ALS2CL: variants seen among roughly 807,000 people sequenced by gnomAD.
ALS2CL encodes the protein ALS2 C-terminal like, also known as ALS2 C-terminal-like protein.
In ALS2CL, 112 loss-of-function variants were observed where a neutral mutation model predicts 127.9. That is an observed-to-expected ratio of 0.88 (90% CI 0.75 to 1.02). The LOEUF (loss-of-function observed/expected upper bound fraction) is 1.02. Ranked by LOEUF, ALS2CL falls within the 50% of genes least tolerant of loss-of-function variation. The probability of loss-of-function intolerance (pLI) is 0.00; values close to 1 mark genes in which losing one functional copy is unlikely to be tolerated. For missense variants in ALS2CL, 1,174 were observed against 1,236.7 expected (o/e 0.95, Z 0.76); for synonymous variants, 519 against 527.6 (o/e 0.98, Z 0.22).
In ALS2CL at chr3:46,683,164, C is replaced by T. The variant is rs141646102; in HGVS notation, c.1075G>A (p.Glu359Lys). 421 of 1,602,290 alleles carry T rather than the reference C, an allele frequency of 2.6e-4. 5 individuals carry two copies. In the East Asian group the frequency reaches 8.0e-3, roughly 30 times the overall value. The part of the protein sequence containing the change: ...AEGRLCQATY[E>K]GEWCRGRPHG... ...GGCCGGCCCCTGCACCACTCGCCCT[C>T]GTAGGTGGCCTGGCAGAGCCGGCCC... Residue 359 changes from glutamate to lysine, a missense_variant, in exon 10 of 26, where the codon GAG (glutamate) becomes AAG (lysine). By Grantham distance (56) the Glu-to-Lys change is moderately conservative. Coordinates refer to ENST00000318962, the MANE Select transcript of ALS2CL (RefSeq NM_147129.5).
In ALS2CL at chr3:46,681,411, G is replaced by A; in HGVS notation, c.1275-4C>T. On this transcript the variant is annotated splice_region_variant and splice_polypyrimidine_tract_variant and intron_variant, in intron 12 of 25. Coordinates refer to ENST00000318962, the MANE Select transcript of ALS2CL (RefSeq NM_147129.5). The surrounding 1 kb of genome is among the most constrained non-coding windows in gnomAD (Gnocchi z 4.9). Reference sequence around the variant, plus strand: ...GTACACCTCGTCGGTGCTGTACCTGGGGAGGGCCATCAACAACGAGCTCTG... The same window carrying A: ...GTACACCTCGTCGGTGCTGTACCTGAGGAGGGCCATCAACAACGAGCTCTG... 6.2e-7 allele frequency: 1 copy of A among 1,606,062 alleles called. No homozygotes were observed. The highest frequency in any genetic ancestry group is 8.5e-7 in the Non-Finnish European group (1 of 1,173,816).
chr3:46,690,993 G>A (rs985039240), intron 1 of ALS2CL, among the ~76,000 whole-genome samples: 10 of 152,222 alleles, frequency 6.6e-5, no homozygotes, highest in Admixed American at 2.0e-4. Context: ...GCTTCGAGAG[G>A]GTGAGGCTGC....
chr3:46,677,409 TG>T, intron 16 of ALS2CL: 2 of 1,052,344 alleles, frequency 1.9e-6, no homozygotes. Flanking sequence ...GGTTCCTTCC[TG>T]TGGTTGATCC....
At chr3:46,690,000 C>T (rs140711541) in intron 1 of ALS2CL, among the ~76,000 whole-genome samples, 1 of 152,282 alleles carries the variant, frequency 6.6e-6, no homozygotes, top group Non-Finnish European at 1.5e-5. Flanking sequence ...CGGAGGCCTC[C>T]TGCTAGAGCC....
rs1261326693 is a variant in ALS2CL, at chr3:46,683,335, A to G, written c.913-9T>C. ...TTCCACTGCCAGACTGCCTGGTGGG[A>G]GGGGGAACATGGGGAAGGGGATCAC... On this transcript the variant is annotated splice_polypyrimidine_tract_variant and intron_variant, in intron 9 of 25. Transcript: ENST00000318962. 8 of 1,574,162 alleles carry G rather than the reference A, an allele frequency of 5.1e-6. No individual in the cohort carries two copies. The highest frequency in any genetic ancestry group is 6.9e-6 in the Non-Finnish European group (8 of 1,159,172).
rs566175629 is a variant in ALS2CL at position 46,686,130 on chromosome 3, C to A, written c.666+178G>T. The stretch of plus-strand genomic sequence containing the variant: ...AGGGCCTGGCCCAGGACGTGCTCAG[C>A]AGACAGATAAGAATGGCTGGACAGA... On this transcript the variant is annotated intron_variant, in intron 6 of 25. Transcript: ENST00000318962. This position sits in a 1 kb window ranked among gnomAD's most constrained non-coding sequence, Gnocchi z 4.3. 9.7e-4 allele frequency among the ~76,000 whole-genome samples: 147 copies of A among 152,280 alleles called. No homozygotes were observed. The highest frequency in any genetic ancestry group is 3.4e-3 in the African/African-American group (142 of 41,556).
At position 46,683,984 on chromosome 3, in the gene ALS2CL, C is replaced by T; in HGVS notation, c.845+5G>A. ...CCTGGGGTGTCAGCCGAGGGGGTTGCTCACCCGTCCTGCCCAGGATCCACC... is the reference window on the plus strand; with the variant it reads ...CCTGGGGTGTCAGCCGAGGGGGTTGTTCACCCGTCCTGCCCAGGATCCACC... On this transcript the variant is annotated splice_donor_5th_base_variant and intron_variant, in intron 8 of 25. Transcript: ENST00000318962. The T allele has an allele frequency of 6.3e-7, 1 of 1,591,686 alleles. No homozygotes were observed. The highest frequency in any genetic ancestry group is 8.6e-7 in the Non-Finnish European group (1 of 1,168,186).
intron 21 of ALS2CL, 73 bp downstream of exon 21, chr3:46,674,493 A>G: frequency 6.5e-7 from 1 of 1,546,568 alleles, no homozygotes; most frequent in Non-Finnish European, 8.8e-7. Context: ...CCCCAGCCCC[A>G]CCTTTTGGCT....
At chr3:46,676,587 C>T (rs991236165) in intron 18 of ALS2CL, 55 bp downstream of exon 18, 3 of 1,589,242 alleles carry the variant, frequency 1.9e-6, no homozygotes, top group Non-Finnish European at 2.6e-6. Flanking sequence ...GGAGCCCTTC[C>T]CCACCAGGGA....
At chr3:46,690,430 C>A (rs976736955) in intron 1 of ALS2CL, among the ~76,000 whole-genome samples, 1 of 152,132 alleles carries the variant, frequency 6.6e-6, no homozygotes, top group African/African-American at 2.4e-5. Context: ...AGATTTCCTG[C>A]CCTGGAGTGA....
chr3:46,676,251 G>A lies in ALS2CL; in HGVS notation c.2180C>T (p.Ala727Val), dbSNP rs775751797. The A allele has an allele frequency of 2.5e-6, 4 of 1,612,908 alleles. No individual in the cohort carries two copies. The highest frequency in any genetic ancestry group is 8.5e-7 in the Non-Finnish European group (1 of 1,179,736). Residue 727 changes from alanine (A) to valine (V), a missense_variant, in exon 19 of 26, where the codon GCC becomes GTC. Coordinates refer to ENST00000318962, the MANE Select transcript of ALS2CL (RefSeq NM_147129.5). ...VKQHAQELWAAYRGLLRVALE... is the reference protein window; with the variant it reads ...VKQHAQELWAVYRGLLRVALE... ...CGTTTGCCACCGAGCCCACCTGTAG[G>A]CAGCCCAGAGTTCCTGGGCATGCTG...
intron 21 of ALS2CL, 133 bp from the exon 22 acceptor site, chr3:46,673,514 G>A: frequency 1.1e-6 from 1 of 905,632 alleles, no homozygotes. Flanking sequence ...GATCAGCCTA[G>A]GTCATGGGGA....
intron 15 of ALS2CL, 75 bp from the exon 16 acceptor site, chr3:46,678,464 C>T: frequency 1.3e-6 from 2 of 1,532,754 alleles, no homozygotes; most frequent in Non-Finnish European, 1.8e-6. Flanking sequence ...AGGCCACAAG[C>T]CTGTCCATCA....
Position 46,688,330 on chromosome 3 carries a change from G to C in ALS2CL, c.104-34C>G. 3 of 1,595,482 alleles carry C rather than the reference G, an allele frequency of 1.9e-6. No individual in the cohort carries two copies. The East Asian group carries it at 6.7e-5, about 36-fold the overall frequency. The stretch of plus-strand genomic sequence containing the variant: ...GGAGTACAGTCACACTGTGAGTAGA[G>C]GACGTGGGCTCCATCTCCCAGGGAA... On this transcript the variant is annotated intron_variant, in intron 2 of 25. Transcript: ENST00000318962.
chr3:46,675,499 A>G lies in ALS2CL; in HGVS notation c.2255+119T>C. 5 of 940,760 alleles carry G rather than the reference A, an allele frequency of 5.3e-6. No homozygotes were observed. The South Asian group carries it at 7.3e-5, about 14-fold the overall frequency. 58.3% of individuals were successfully genotyped at this position (940,760 alleles called of 1,614,324 possible). The stretch of plus-strand genomic sequence containing the variant: ...AACGATCAATGCACAATGTTTGGTC[A>G]ATAGAGTGAATGCCCAGCACTTCCC... On this transcript the variant is annotated intron_variant, in intron 20 of 25. Coordinates refer to ENST00000318962, the MANE Select transcript of ALS2CL (RefSeq NM_147129.5).
intron 18 of ALS2CL, 106 bp downstream of exon 18, chr3:46,676,536 C>A: frequency 6.5e-7 from 1 of 1,530,040 alleles, no homozygotes; most frequent in South Asian, 1.2e-5. Flanking sequence ...AAGGGATCCA[C>A]AGGCCTGTCC....
At chr3:46,684,306 T>A (rs1438498769) in intron 7 of ALS2CL, among the ~76,000 whole-genome samples, 3 of 152,142 alleles carry the variant, frequency 2.0e-5, no homozygotes, top group African/African-American at 7.2e-5. Flanking sequence ...GGTCTACAAA[T>A]GAAGCTGGGA....
rs528416242 is a variant in ALS2CL, at chr3:46,670,808, G to A, written c.*176C>T. ...AACCACCACATCCAGGGCCACACCCGTCACCCCTCACCCTCATCCCAGTCA... is the reference window on the plus strand; with the variant it reads ...AACCACCACATCCAGGGCCACACCCATCACCCCTCACCCTCATCCCAGTCA... On this transcript the variant is annotated 3_prime_UTR_variant, in exon 26 of 26. Transcript: ENST00000318962. The surrounding 1 kb of genome is among the most constrained non-coding windows in gnomAD (Gnocchi z 5.5). The A allele has an allele frequency of 4.7e-4, 296 of 629,926 alleles. No individual in the cohort carries two copies. The highest frequency in any genetic ancestry group is 6.5e-4 in the Non-Finnish European group (236 of 363,046). 39.0% of individuals were successfully genotyped at this position (629,926 alleles called of 1,614,324 possible).
chr3:46,687,231 TCC>T (rs1376808518), intron 4 of ALS2CL, 83 bp from the exon 5 acceptor site: 3 of 1,399,302 alleles, frequency 2.1e-6, no homozygotes, highest in Non-Finnish European at 2.8e-6. Context: ...CCCCAGCTAA[TCC>T]CCTCAGATCC....
Sources: gnomAD v4.1 joint callset for allele counts (sites outside exome capture counted in the v4.1 genomes callset) on GRCh38, gnomAD v4.1.1 for gene constraint, Gnocchi (gnomAD v3.1) non-coding constraint, MANE v1.5 for transcripts, NCBI Gene and HGNC (gene_info 2026-07-23, HGNC 2026-07-21) for gene names.